PCCA: variants seen among roughly 807,000 people sequenced by gnomAD.
PCCA encodes propionyl-CoA carboxylase subunit alpha, also known as propionyl-CoA carboxylase alpha chain, mitochondrial.
In PCCA, 74 loss-of-function variants were observed where a neutral mutation model predicts 101.3. The ratio of observed to expected loss-of-function variants is 0.73; its 90% CI spans 0.61 to 0.89. The LOEUF (loss-of-function observed/expected upper bound fraction) is 0.89, where lower values mean the gene tolerates loss of function less well. Among genes scored for constraint, PCCA ranks in the 40% least tolerant of loss-of-function variants. The pLI is 0.00. For missense variants in PCCA, 891 were observed against 907.0 expected, an observed-to-expected ratio of 0.98 and a Z score of 0.23; for synonymous variants, 294 against 313.6, an observed-to-expected ratio of 0.94 and a Z score of 0.66.
At chr13:100,319,712 A>T (rs1566927837) in intron 16 of PCCA, among the ~76,000 whole-genome samples, 1 of 152,210 alleles carries the variant, frequency 6.6e-6, no homozygotes, top group Non-Finnish European at 1.5e-5. Context: ...TTTTGGTACC[A>T]GTACCATGCT....
chr13:100,413,755 G>A (rs375683722), intron 19 of PCCA, among the ~76,000 whole-genome samples: 23 of 152,232 alleles, frequency 1.5e-4, no homozygotes, highest in South Asian at 1.5e-3. Flanking sequence ...CAAGCATTGC[G>A]ACCATTCACG....
chr13:100,248,455 A>G (rs2061573275), intron 8 of PCCA, among the ~76,000 whole-genome samples: 1 of 152,182 alleles, frequency 6.6e-6, no homozygotes, highest in Non-Finnish European at 1.5e-5. Context: ...ATCTTTGGCA[A>G]CATTTAGTGT....
intron 12 of PCCA, among the ~76,000 whole-genome samples, chr13:100,274,549 T>TG: frequency 6.6e-6 from 1 of 152,254 alleles, no homozygotes; most frequent in African/African-American, 2.4e-5. Context: ...GGTTCCTTCC[T>TG]GGGGGGTTGG....
intron 6 of PCCA, among the ~76,000 whole-genome samples, chr13:100,171,072 G>A (rs1018612153): frequency 1.3e-5 from 2 of 152,156 alleles, no homozygotes; most frequent in African/African-American, 2.4e-5. Context: ...TATGATATAT[G>A]TTATCACAGC....
intron 20 of PCCA, among the ~76,000 whole-genome samples, chr13:100,444,202 ATTTTTTTTT>A (rs60275166): frequency 8.3e-6 from 1 of 120,772 alleles, no homozygotes; most frequent in East Asian, 2.4e-4. Context: ...TCAGCCCACA[ATTTTTTTTT>A]TTTTTTTTGA....
At chr13:100,398,593 G>A (rs535601566) in intron 19 of PCCA, among the ~76,000 whole-genome samples, 1 of 152,112 alleles carries the variant, frequency 6.6e-6, no homozygotes, top group East Asian at 1.9e-4. Flanking sequence ...TGAAAGCATT[G>A]TTCTGTTAAT....
intron 6 of PCCA, among the ~76,000 whole-genome samples, chr13:100,206,325 G>T (rs892547112): frequency 6.6e-6 from 1 of 151,984 alleles, no homozygotes; most frequent in African/African-American, 2.4e-5. Context: ...GGAGTGCAGT[G>T]GTGCAATCTT....
At chr13:100,516,501 G>C (rs1222668297) in intron 22 of PCCA, among the ~76,000 whole-genome samples, 1 of 152,226 alleles carries the variant, frequency 6.6e-6, no homozygotes, top group Non-Finnish European at 1.5e-5. Flanking sequence ...AGTTTTAGTT[G>C]TTTGAATGAC....
intron 4 of PCCA, among the ~76,000 whole-genome samples, chr13:100,123,307 G>A (rs909355234): frequency 2.6e-5 from 4 of 152,084 alleles, no homozygotes; most frequent in African/African-American, 7.2e-5. Flanking sequence ...CACCCTCCTC[G>A]GCTTCCCAAA....
intron 20 of PCCA, among the ~76,000 whole-genome samples, chr13:100,445,113 T>A (rs1331512163): frequency 6.6e-6 from 1 of 151,662 alleles, no homozygotes; most frequent in African/African-American, 2.4e-5. Context: ...GGTCACAGAG[T>A]GAGAGAGAAG....
intron 21 of PCCA, among the ~76,000 whole-genome samples, chr13:100,456,209 C>T (rs2081697719): frequency 6.6e-6 from 1 of 152,184 alleles, no homozygotes; most frequent in African/African-American, 2.4e-5. Flanking sequence ...TTGGTTTCCA[C>T]CTCTGAGAAG....
At chr13:100,214,544 G>A (rs1325382190) in intron 7 of PCCA, among the ~76,000 whole-genome samples, 4 of 151,360 alleles carry the variant, frequency 2.6e-5, no homozygotes, top group Non-Finnish European at 5.9e-5. Flanking sequence ...CCTGCCTCCG[G>A]CTCCCTGGTA....
intron 4 of PCCA, among the ~76,000 whole-genome samples, chr13:100,141,401 TTATTTATTTATG>T (rs2051851863): frequency 7.0e-6 from 1 of 142,508 alleles, no homozygotes; most frequent in South Asian, 2.1e-4. Flanking sequence ...TTTATTACAT[TTATTTATTTATG>T]TATTTATTTA....
At chr13:100,391,052 C>G (rs2076774198) in intron 19 of PCCA, among the ~76,000 whole-genome samples, 1 of 151,668 alleles carries the variant, frequency 6.6e-6, no homozygotes, top group Non-Finnish European at 1.5e-5. Context: ...GAGTCTTGCT[C>G]TGTCACCCAG....
intron 1 of PCCA, among the ~76,000 whole-genome samples, chr13:100,090,506 C>T (rs921051118): frequency 6.6e-6 from 1 of 152,050 alleles, no homozygotes; most frequent in Non-Finnish European, 1.5e-5. Flanking sequence ...CTTCCTTGGG[C>T]GTCAGCTTCG....
At chr13:100,163,060 G>C (rs926328591) in intron 6 of PCCA, among the ~76,000 whole-genome samples, 1 of 152,144 alleles carries the variant, frequency 6.6e-6, no homozygotes, top group Non-Finnish European at 1.5e-5. Context: ...AATACTAAAT[G>C]CTCTAAAGTG....
At chr13:100,137,812 T>A (rs931796938) in intron 4 of PCCA, among the ~76,000 whole-genome samples, 189 of 151,810 alleles carry the variant, frequency 1.2e-3, no homozygotes, top group Non-Finnish European at 2.1e-3. Context: ...GTCTTTTTTT[T>A]TTTTTTATTT....
At chr13:100,326,580 A>G (rs1456394720) in intron 16 of PCCA, among the ~76,000 whole-genome samples, 1 of 152,170 alleles carries the variant, frequency 6.6e-6, no homozygotes, top group African/African-American at 2.4e-5. Context: ...GTATATTCAT[A>G]AAGTTATACA....
intron 6 of PCCA, among the ~76,000 whole-genome samples, chr13:100,186,988 CAT>C (rs1411131045): frequency 2.0e-5 from 3 of 152,110 alleles, no homozygotes; most frequent in Admixed American, 1.3e-4. Context: ...ACATATGTAA[CAT>C]GTAGTAGCTT....
Sources: allele counts gnomAD v4.1 joint callset (sites outside exome capture counted in the v4.1 genomes callset), GRCh38; gene constraint gnomAD v4.1.1; transcripts MANE v1.5; gene names NCBI Gene and HGNC (gene_info 2026-07-23, HGNC 2026-07-21).